The following IGLON5 variants were observed in gnomAD, a reference collection of about 807,000 sequenced individuals.
IGLON5 encodes the protein Ig-like domain-containing protein ENSP00000270642.
A neutral mutation model predicts 38.2 loss-of-function variants in IGLON5; 16 were observed. The ratio of observed to expected loss-of-function variants is 0.42; its 90% CI spans 0.28 to 0.64. The LOEUF (loss-of-function observed/expected upper bound fraction) is 0.64, where lower values mean the gene tolerates loss of function less well. Among genes scored for constraint, IGLON5 ranks in the 30% least tolerant of loss-of-function variants. IGLON5 has a pLI of 0.23. For missense variants in IGLON5, 366 were observed against 483.4 expected, an observed-to-expected ratio of 0.76 and a Z score of 2.28; for synonymous variants, 207 against 216.4, an observed-to-expected ratio of 0.96 and a Z score of 0.38.
At chr19:51,316,680 G>A (rs1000199803) in intron 1 of IGLON5, among the ~76,000 whole-genome samples, 2 of 151,836 alleles carry the variant, frequency 1.3e-5, no homozygotes, top group African/African-American at 4.8e-5. Context: ...TTTTAGTAGA[G>A]ACGGGGTTTC....
chr19:51,314,693 T>C (rs1242521699), intron 1 of IGLON5, among the ~76,000 whole-genome samples: 3 of 152,132 alleles, frequency 2.0e-5, no homozygotes, highest in Admixed American at 1.3e-4. Context: ...CACCCATGGA[T>C]AGTTTGAGCT....
chr19:51,312,098 G>A (rs1444768413), intron 1 of IGLON5, among the ~76,000 whole-genome samples, 172 bp downstream of exon 1: 1 of 151,916 alleles, frequency 6.6e-6, no homozygotes. Context: ...GCTGGGCAGG[G>A]GGACCTCGGA....
At chr19:51,318,430 C>A (rs1438161603) in intron 1 of IGLON5, among the ~76,000 whole-genome samples, 1 of 152,310 alleles carries the variant, frequency 6.6e-6, no homozygotes, top group African/African-American at 2.4e-5. Flanking sequence ...GCAGGGTCCA[C>A]TTCCCACCCC....
chr19:51,327,719 G>T lies in IGLON5; in HGVS notation c.768-13G>T. 6.4e-7 allele frequency: 1 copy of T among 1,561,930 alleles called. No individual in the cohort carries two copies. Among genetic ancestry groups the T allele is most frequent in the Admixed American group, 1.9e-5 (1 of 53,068 alleles). ...GGCGCTGCGGCCCGGCCCCTGACCC[G>T]GATCCCTGGCAGGCTGAGCAGCGGC... On this transcript the variant is annotated splice_polypyrimidine_tract_variant and intron_variant, in intron 6 of 7. Transcript: ENST00000270642. This position sits in a 1 kb window ranked among gnomAD's most constrained non-coding sequence, Gnocchi z 7.1.
At position 51,330,639 on chromosome 19, in the gene IGLON5, C is replaced by G. The variant is rs1432341999; in HGVS notation, c.*1880C>G. Reference sequence around the variant, plus strand: ...GCTTTTCTGCTGGATATTGTGGCTCCGTGATGTGAAGTCAACATCTGTAGG... The same window carrying G: ...GCTTTTCTGCTGGATATTGTGGCTCGGTGATGTGAAGTCAACATCTGTAGG... On this transcript the variant is annotated 3_prime_UTR_variant, in exon 8 of 8. Transcript: ENST00000270642. 1.3e-5 allele frequency among the ~76,000 whole-genome samples: 2 copies of G among 152,080 alleles called. No homozygotes were observed. The highest frequency in any genetic ancestry group is 2.4e-5 in the African/African-American group (1 of 41,406).
chr19:51,328,339 C>CAAAAAAAAAAAAAAAAAAAA (rs767807401), intron 7 of IGLON5, among the ~76,000 whole-genome samples: 14 of 124,146 alleles, frequency 1.1e-4, no homozygotes, highest in African/African-American at 4.8e-4. Context: ...ATGTCTCTAC[C>CAAAAAAAAAAAAAAAAAAAA]AAAAAAAAAA....
chr19:51,313,647 T>TTTCTTTCTTTCTTTCTTTC (rs1984831615), intron 1 of IGLON5, among the ~76,000 whole-genome samples: 12 of 116,274 alleles, frequency 1.0e-4, no homozygotes, highest in Admixed American at 9.9e-5. Flanking sequence ...CTCTCTCTCT[T>TTTCTTTCTTTCTTTCTTTC]TTTCTTTCTT....
intron 1 of IGLON5, among the ~76,000 whole-genome samples, chr19:51,315,416 A>G (rs1196047924): frequency 6.6e-6 from 1 of 152,194 alleles, no homozygotes; most frequent in East Asian, 1.9e-4. Context: ...CTTGGGGACC[A>G]GGGCCGCTAT....
Position 51,325,526 on chromosome 19 carries a change from T to G in IGLON5, c.511+61T>G. 1 of 1,506,342 alleles carries G rather than the reference T, an allele frequency of 6.6e-7. No homozygotes were observed. The highest frequency in any genetic ancestry group is 8.9e-7 in the Non-Finnish European group (1 of 1,121,500). 93.3% of individuals were successfully genotyped at this position (1,506,342 alleles called of 1,614,324 possible). A position where few individuals can be genotyped will look rare whatever the true frequency, so the allele number is the denominator to read the frequency against. ...CCACTGCGCAGTCTGGGCCCCTCCATTCCCCATATCCCTAGCTAGTTTCCC... is the reference window on the plus strand; with the variant it reads ...CCACTGCGCAGTCTGGGCCCCTCCAGTCCCCATATCCCTAGCTAGTTTCCC... On this transcript the variant is annotated intron_variant, in intron 4 of 7. Coordinates refer to ENST00000270642, the MANE Select transcript of IGLON5 (RefSeq NM_001101372.3). This position sits in a 1 kb window ranked among gnomAD's most constrained non-coding sequence, Gnocchi z 5.5.
At chr19:51,322,564 C>G (rs1436995969) in intron 2 of IGLON5, among the ~76,000 whole-genome samples, 1 of 149,992 alleles carries the variant, frequency 6.7e-6, no homozygotes, top group African/African-American at 2.5e-5. Context: ...GTTCCCCCCT[C>G]TCTCCACGCC....
chr19:51,327,852 A>G lies in IGLON5; in HGVS notation c.888A>G (p.Arg296=). The part of the protein sequence containing the change: ...YGNYTCRAAN[R]LGASSASMRL... ...ACTATACGTGTCGCGCCGCCAACCG[A>G]CTGGGAGCGTCCAGCGCCTCCATGC... is the stretch of plus-strand genomic sequence containing the variant. Residue 296 remains arginine (R), a synonymous_variant, in exon 7 of 8, where the codon CGA becomes CGG. Coordinates refer to ENST00000270642, the MANE Select transcript of IGLON5 (RefSeq NM_001101372.3). The surrounding 1 kb of genome is among the most constrained non-coding windows in gnomAD (Gnocchi z 7.1). 6.5e-7 allele frequency: 1 copy of G among 1,540,910 alleles called. No individual in the cohort carries two copies. Among genetic ancestry groups the G allele is most frequent in the Non-Finnish European group, 8.8e-7 (1 of 1,142,658 alleles).
intron 1 of IGLON5, among the ~76,000 whole-genome samples, chr19:51,317,749 G>A (rs1038603045): frequency 2.6e-5 from 4 of 152,168 alleles, no homozygotes; most frequent in Non-Finnish European, 5.9e-5. Flanking sequence ...GGTTCTTTCC[G>A]AATGCCAACA....
At chr19:51,315,286 G>C (rs1984890293) in intron 1 of IGLON5, among the ~76,000 whole-genome samples, 1 of 152,194 alleles carries the variant, frequency 6.6e-6, no homozygotes. Context: ...GAGGGGGCAG[G>C]AGCCCCAGAT....
chr19:51,312,368 T>C (rs557053155), intron 1 of IGLON5, among the ~76,000 whole-genome samples: 16 of 150,596 alleles, frequency 1.1e-4, no homozygotes, highest in Non-Finnish European at 1.6e-4. Context: ...AGAGGGTCCC[T>C]GAAGAGGTCC....
rs779428006 is a variant in IGLON5, at chr19:51,325,709, C to T, written c.511+244C>T. On this transcript the variant is annotated intron_variant, in intron 4 of 7. Coordinates refer to ENST00000270642, the MANE Select transcript of IGLON5 (RefSeq NM_001101372.3). The surrounding 1 kb of genome is among the most constrained non-coding windows in gnomAD (Gnocchi z 5.5). ...TGCTTCTGCGTCACTTGCCAAACCCCAGCCTGCGTCACTTCCCCAACCCCA... is the reference window on the plus strand; with the variant it reads ...TGCTTCTGCGTCACTTGCCAAACCCTAGCCTGCGTCACTTCCCCAACCCCA... Among the ~76,000 whole-genome samples, 6 of 152,302 alleles carry T rather than the reference C, an allele frequency of 3.9e-5. No homozygotes were observed. Among genetic ancestry groups the T allele is most frequent in the Middle Eastern group, 3.4e-3 (1 of 294 alleles).
In IGLON5 at chr19:51,327,184, T is replaced by C. The variant is rs1280211677; in HGVS notation, c.751T>C (p.Tyr251His). Residue 251 changes from tyrosine to histidine, a missense_variant, in exon 6 of 8, where the codon TAC (tyrosine) becomes CAC (histidine). Transcript: ENST00000270642. The surrounding 1 kb of genome is among the most constrained non-coding windows in gnomAD (Gnocchi z 7.1). ...MAVPPADFQW[Y>H]KDDRLLSSGT... is the part of the protein sequence containing the mutation. ...GGTTCCCCCCGCGGATTTCCAGTGGTACAAGGATGACAGACTGTGAGGACA... is the reference window on the plus strand; with the variant it reads ...GGTTCCCCCCGCGGATTTCCAGTGGCACAAGGATGACAGACTGTGAGGACA... 9.3e-6 allele frequency: 15 copies of C among 1,611,900 alleles called. No homozygotes were observed. Among genetic ancestry groups the C allele is most frequent in the Non-Finnish European group, 1.3e-5 (15 of 1,179,504 alleles).
intron 4 of IGLON5, 62 bp from the exon 5 acceptor site, chr19:51,326,702 G>A (rs969974742): frequency 8.6e-6 from 10 of 1,164,440 alleles, no homozygotes; most frequent in African/African-American, 8.2e-5. Context: ...TGTTGTGCCC[G>A]TGTTGTCCCG....
rs1357488061 is a variant in IGLON5 at position 51,325,234 on chromosome 19, G to A, written c.392-112G>A. The A allele has an allele frequency of 4.1e-6, 6 of 1,478,372 alleles. No individual in the cohort carries two copies. The highest frequency in any genetic ancestry group is 2.4e-5 in the South Asian group (2 of 81,796). The allele number at this position is 1,478,372 out of a possible 1,614,324, so 91.6% of individuals were successfully genotyped here. A position where few individuals can be genotyped will look rare whatever the true frequency, so the allele number is the denominator to read the frequency against. ...GGAGGGGCTGGGGGTCTGAACTCCT[G>A]GGTCTGAGGGAGGAGGAGGGGCTGG... On this transcript the variant is annotated intron_variant, in intron 3 of 7. Coordinates refer to ENST00000270642, the MANE Select transcript of IGLON5 (RefSeq NM_001101372.3). This position sits in a 1 kb window ranked among gnomAD's most constrained non-coding sequence, Gnocchi z 5.5.
rs1599827791 is a variant in IGLON5, at chr19:51,325,868, C to T, written c.511+403C>T. Among the ~76,000 whole-genome samples the T allele has an allele frequency of 6.6e-6, 1 of 152,256 alleles. No individual in the cohort carries two copies. Among genetic ancestry groups the T allele is most frequent in the East Asian group, 1.9e-4 (1 of 5,162 alleles). On this transcript the variant is annotated intron_variant, in intron 4 of 7. Transcript: ENST00000270642. The surrounding 1 kb of genome is among the most constrained non-coding windows in gnomAD (Gnocchi z 5.5). ...CTCTCTCTTCTGCTGGACGCTCTAG[C>T]CCAGCGGGCCTCATGGTGTGGGCCC...
Sources: gnomAD v4.1 joint callset for allele counts (sites outside exome capture counted in the v4.1 genomes callset) on GRCh38, gnomAD v4.1.1 for gene constraint, Gnocchi (gnomAD v3.1) non-coding constraint, MANE v1.5 for transcripts, NCBI Gene and HGNC (gene_info 2026-07-23, HGNC 2026-07-21) for gene names.